Variants in IQCJ observed in about 807,000 individuals in gnomAD.
The protein encoded by IQCJ is IQ domain-containing protein J.
A neutral mutation model predicts 11.0 loss-of-function variants in IQCJ; 9 were observed. That is an observed-to-expected ratio of 0.82 (90% confidence interval 0.49 to 1.43). IQCJ has a LOEUF of 1.43. Among genes scored for constraint, IQCJ ranks in the 40% most tolerant of loss-of-function variants. IQCJ has a pLI of 0.00. For missense variants in IQCJ, 146 were observed against 133.2 expected (o/e 1.10, Z -0.47); for synonymous variants, 55 against 51.3 (o/e 1.07, Z -0.31).
chr3:159,217,160 G>A (rs995029597), intron 1 of IQCJ, among the ~76,000 whole-genome samples: 4 of 152,088 alleles, frequency 2.6e-5, no homozygotes, highest in Admixed American at 6.6e-5. Flanking sequence ...CCAATCTGTC[G>A]ATATTAAGAT....
At chr3:159,253,452 G>A (rs550320480) in intron 3 of IQCJ, among the ~76,000 whole-genome samples, 3 of 152,224 alleles carry the variant, frequency 2.0e-5, no homozygotes, top group Middle Eastern at 3.4e-3. Flanking sequence ...ACCATTTTAA[G>A]TAGAGAAGGG....
chr3:159,227,865 A>G (rs1383963529), intron 1 of IQCJ, among the ~76,000 whole-genome samples: 1 of 152,242 alleles, frequency 6.6e-6, no homozygotes, highest in African/African-American at 2.4e-5. Context: ...AAGACTTTAC[A>G]GATATTAAGC....
chr3:159,144,317 G>T (rs923376714), intron 1 of IQCJ, among the ~76,000 whole-genome samples: 1 of 152,182 alleles, frequency 6.6e-6, no homozygotes, highest in Admixed American at 6.5e-5. Flanking sequence ...TGTCTAAAAA[G>T]TCTTCAGTTG....
intron 1 of IQCJ, among the ~76,000 whole-genome samples, chr3:159,158,762 T>A (rs139385163): frequency 4.9e-4 from 75 of 152,382 alleles, no homozygotes; most frequent in African/African-American, 1.8e-3. Flanking sequence ...TGTAGCCATG[T>A]CACACTATAG....
In IQCJ at chr3:159,221,508, A is replaced by ATTACTCT. The variant is rs1358984068; in HGVS notation, c.10-24335_10-24334insTTACTCT. 1.1e-4 allele frequency among the ~76,000 whole-genome samples: 16 copies of ATTACTCT among 152,298 alleles called. No homozygotes were observed. In the South Asian group the frequency reaches 3.3e-3, roughly 32 times the overall value. On this transcript the variant is annotated intron_variant, in intron 1 of 3. Coordinates refer to ENST00000397832, the MANE Select transcript of IQCJ (RefSeq NM_001042706.3). ...TTGAGTATTTTCCTGCAGAGAATAAAGTCATGATAAATTACTACAATTTTC... is the reference window on the plus strand; with the variant it reads ...TTGAGTATTTTCCTGCAGAGAATAAATTACTCTGTCATGATAAATTACTACAATTTTC...
intron 1 of IQCJ, among the ~76,000 whole-genome samples, chr3:159,198,559 G>A (rs993848579): frequency 1.3e-5 from 2 of 152,102 alleles, no homozygotes; most frequent in African/African-American, 4.8e-5. Flanking sequence ...ATCAAAAAAG[G>A]GAGTTCAGTG....
chr3:159,180,826 A>T (rs138082546), intron 1 of IQCJ, among the ~76,000 whole-genome samples: 8 of 152,098 alleles, frequency 5.3e-5, no homozygotes, highest in South Asian at 2.1e-4. Flanking sequence ...CAACATTTGG[A>T]TGCATTTCCT....
chr3:159,227,718 A>G (rs1480445226), intron 1 of IQCJ, among the ~76,000 whole-genome samples: 2 of 152,226 alleles, frequency 1.3e-5, no homozygotes, highest in Non-Finnish European at 2.9e-5. Flanking sequence ...AGAGTTCTAC[A>G]TAGCAAAGGA....
At chr3:159,206,154 T>C (rs2108078893) in intron 1 of IQCJ, among the ~76,000 whole-genome samples, 1 of 152,330 alleles carries the variant, frequency 6.6e-6, no homozygotes, top group African/African-American at 2.4e-5. Flanking sequence ...TTCCTTGTTT[T>C]CAGTTTCAGT....
At chr3:159,082,291 T>C (rs924955785) in intron 1 of IQCJ, among the ~76,000 whole-genome samples, 1 of 151,994 alleles carries the variant, frequency 6.6e-6, no homozygotes, top group African/African-American at 2.4e-5. Context: ...TGGCCTAGAT[T>C]GTGCTTCTAT....
At chr3:159,095,086 T>G (rs1717633217) in intron 1 of IQCJ, among the ~76,000 whole-genome samples, 1 of 151,796 alleles carries the variant, frequency 6.6e-6, no homozygotes, top group Non-Finnish European at 1.5e-5. Flanking sequence ...GAATATCTCT[T>G]TTTCTATAGT....
intron 1 of IQCJ, among the ~76,000 whole-genome samples, chr3:159,179,504 G>A (rs1722969959): frequency 6.6e-6 from 1 of 152,048 alleles, no homozygotes; most frequent in African/African-American, 2.4e-5. Context: ...CCATGATGCA[G>A]TTACTTTAGG....
Position 159,138,971 on chromosome 3 carries a change from G to A in IQCJ, c.9+69530G>A, listed in dbSNP as rs188238693. On this transcript the variant is annotated intron_variant, in intron 1 of 3. Coordinates refer to ENST00000397832, the MANE Select transcript of IQCJ (RefSeq NM_001042706.3). ...TGAAATCCTGAGGACAAGACCTAGG[G>A]AAAATTTGTCACTCAGCCTGAAATT... Among the ~76,000 whole-genome samples, 520 of 152,272 alleles carry A rather than the reference G, an allele frequency of 3.4e-3. 4 individuals carry two copies. The highest frequency in any genetic ancestry group is 0.02 in the Middle Eastern group (6 of 294).
At chr3:159,106,680 T>G (rs1373898188) in intron 1 of IQCJ, among the ~76,000 whole-genome samples, 1 of 152,150 alleles carries the variant, frequency 6.6e-6, no homozygotes, top group Non-Finnish European at 1.5e-5. Flanking sequence ...ATTATAACAC[T>G]ATCTACGTAG....
intron 1 of IQCJ, among the ~76,000 whole-genome samples, chr3:159,189,615 T>C (rs1723566916): frequency 6.6e-6 from 1 of 152,176 alleles, no homozygotes; most frequent in Non-Finnish European, 1.5e-5. Flanking sequence ...GTCGTTTTAG[T>C]GGCTGATATA....
intron 1 of IQCJ, among the ~76,000 whole-genome samples, chr3:159,087,869 G>T (rs1024895709): frequency 1.7e-4 from 25 of 150,532 alleles, no homozygotes; most frequent in African/African-American, 5.9e-4. Context: ...CAAAAAACCA[G>T]CTCCTGGATT....
intron 1 of IQCJ, among the ~76,000 whole-genome samples, chr3:159,169,459 T>C (rs1722374316): frequency 6.6e-6 from 1 of 151,868 alleles, no homozygotes; most frequent in South Asian, 2.1e-4. Flanking sequence ...CTAATTTTTG[T>C]ATTTTTTAGT....
intron 1 of IQCJ, among the ~76,000 whole-genome samples, chr3:159,185,088 T>C (rs1470052082): frequency 6.6e-6 from 1 of 152,220 alleles, no homozygotes; most frequent in African/African-American, 2.4e-5. Context: ...CCCCTACTTC[T>C]GTCAGCTCCA....
intron 1 of IQCJ, among the ~76,000 whole-genome samples, chr3:159,139,931 G>C (rs1331368433): frequency 6.6e-6 from 1 of 152,198 alleles, no homozygotes; most frequent in East Asian, 1.9e-4. Context: ...TCCAAACCCA[G>C]GTCTTCTGAC....
Sources: allele counts gnomAD v4.1 joint callset (sites outside exome capture counted in the v4.1 genomes callset), GRCh38; gene constraint gnomAD v4.1.1; transcripts MANE v1.5; gene names NCBI Gene and HGNC (gene_info 2026-07-23, HGNC 2026-07-21).